Variants in NFYA observed in about 807,000 individuals in gnomAD.
The protein encoded by NFYA is CAAT-box DNA binding protein subunit A.
A neutral mutation model predicts 52.8 loss-of-function variants in NFYA; 28 were observed. That is an observed-to-expected ratio of 0.53 (90% CI 0.39 to 0.73). NFYA has a LOEUF of 0.73. NFYA is among the 30% of genes least tolerant of loss of function. NFYA has a pLI of 0.00. For missense variants in NFYA, 234 were observed against 427.0 expected (o/e 0.55, Z 3.98); for synonymous variants, 150 against 150.7 (o/e 1.00, Z 0.03).
chr6:41,078,814 A>G (rs1489666340), intron 1 of NFYA, among the ~76,000 whole-genome samples: 1 of 152,256 alleles, frequency 6.6e-6, no homozygotes, highest in Non-Finnish European at 1.5e-5. Flanking sequence ...GGTTGCCAGT[A>G]TACTGAAAGC....
At chr6:41,083,917 A>G in intron 3 of NFYA, 129 bp from the exon 4 acceptor site, 9 of 858,562 alleles carry the variant, frequency 1.0e-5, no homozygotes, top group Non-Finnish European at 1.5e-5. Context: ...CTTGAGACAT[A>G]TATTTTCTTA....
chr6:41,080,092 G>A (rs1402594661), intron 2 of NFYA, among the ~76,000 whole-genome samples: 1 of 152,166 alleles, frequency 6.6e-6, no homozygotes, highest in East Asian at 1.9e-4. Flanking sequence ...ATTAGTGGAT[G>A]TAAAAATAAG....
chr6:41,090,337 A>G, intron 6 of NFYA, 28 bp downstream of exon 6: 1 of 1,540,528 alleles, frequency 6.5e-7, no homozygotes, highest in Middle Eastern at 1.7e-4. Flanking sequence ...CTTCCCTAGG[A>G]CTTTTTGGGG....
chr6:41,088,840 T>C (rs1764118259), intron 4 of NFYA, among the ~76,000 whole-genome samples: 1 of 151,976 alleles, frequency 6.6e-6, no homozygotes, highest in African/African-American at 2.4e-5. Context: ...CTCAGCCTCC[T>C]GAAGTGCTGG....
Position 41,090,327 on chromosome 6 carries a change from C to T in NFYA, c.547+18C>T. On this transcript the variant is annotated intron_variant, in intron 6 of 9. Transcript: ENST00000341376. ...CCAGCAAGGTAAGTGTACCCATAAG[C>T]TTCCCTAGGACTTTTTGGGGCAACT... The T allele has an allele frequency of 1.9e-6, 3 of 1,582,334 alleles. No individual in the cohort carries two copies. Among genetic ancestry groups the T allele is most frequent in the Non-Finnish European group, 2.6e-6 (3 of 1,151,830 alleles).
Position 41,084,123 on chromosome 6 carries a change from G to A in NFYA, c.240G>A (p.Gln80=), listed in dbSNP as rs1763980132. 1 of 1,614,054 alleles carries A rather than the reference G, an allele frequency of 6.2e-7. No homozygotes were observed. Among genetic ancestry groups the A allele is most frequent in the South Asian group, 1.1e-5 (1 of 91,080 alleles). The stretch of plus-strand genomic sequence containing the variant: ...CAACTGGCCAACCCATCATGGTCCA[G>A]GCTGTCCCTGGTGGACAAGGTCAAA... The part of the protein sequence containing the change: ...ITSTGQPIMV[Q]AVPGGQGQTI... Residue 80 remains glutamine (Q), a synonymous_variant, in exon 4 of 10, where the codon CAG becomes CAA. Transcript: ENST00000341376.
At chr6:41,080,933 G>T in intron 3 of NFYA, 36 bp downstream of exon 3, 2 of 1,520,758 alleles carry the variant, frequency 1.3e-6, no homozygotes, top group South Asian at 2.2e-5. Context: ...AGCACTGCAT[G>T]AACTTCTCCT....
rs1764241681 is a variant in NFYA, at chr6:41,093,201, C to A, written c.888+116C>A. 3.5e-6 allele frequency: 3 copies of A among 852,828 alleles called. No individual in the cohort carries two copies. In the South Asian group the frequency reaches 6.4e-5, roughly 18 times the overall value. 52.8% of individuals were successfully genotyped at this position (852,828 alleles called of 1,614,324 possible). On this transcript the variant is annotated intron_variant, in intron 8 of 9. Coordinates refer to ENST00000341376, the MANE Select transcript of NFYA (RefSeq NM_002505.5). ...CCTTCCAAACAATTGACGTTAGATA[C>A]TTGTTGTCTCTTTTGTAAGAGTTAG...
At chr6:41,076,708 G>A (rs913351290) in intron 1 of NFYA, among the ~76,000 whole-genome samples, 2 of 152,168 alleles carry the variant, frequency 1.3e-5, no homozygotes, top group Non-Finnish European at 2.9e-5. Flanking sequence ...TCAAAACTTT[G>A]TGTTAAGAGC....
chr6:41,084,222 A>G, intron 4 of NFYA, 30 bp downstream of exon 4: 2 of 1,607,088 alleles, frequency 1.2e-6, no homozygotes, highest in Non-Finnish European at 1.7e-6. Context: ...ATTGAGCAGT[A>G]TATCAGAGGA....
Position 41,093,663 on chromosome 6 carries a change from G to C in NFYA, c.888+578G>C, listed in dbSNP as rs535478158. Among the ~76,000 whole-genome samples the C allele has an allele frequency of 7.9e-5, 12 of 152,222 alleles. No homozygotes were observed. The South Asian group carries it at 2.5e-3, about 32-fold the overall frequency. On this transcript the variant is annotated intron_variant, in intron 8 of 9. Coordinates refer to ENST00000341376, the MANE Select transcript of NFYA (RefSeq NM_002505.5). The stretch of plus-strand genomic sequence containing the variant: ...TTTTTGTGTTTTTAGTAGAGACGGG[G>C]TTTCACCATGTTGGCCAGGCTGGTC...
In NFYA at chr6:41,079,036, C is replaced by G; in HGVS notation, c.-54C>G. The G allele has an allele frequency of 6.5e-7, 1 of 1,547,964 alleles. No homozygotes were observed. Among genetic ancestry groups the G allele is most frequent in the Non-Finnish European group, 8.9e-7 (1 of 1,122,470 alleles). The stretch of plus-strand genomic sequence containing the variant: ...TCCCCACCTTTCTAACAGGAGTGTA[C>G]CTCACAGCCTTCTAGGATCTCCAGA... On this transcript the variant is annotated 5_prime_UTR_variant, in exon 2 of 10. Coordinates refer to ENST00000341376, the MANE Select transcript of NFYA (RefSeq NM_002505.5).
At chr6:41,075,368 C>G (rs1332772507) in intron 1 of NFYA, 1 of 152,142 alleles carries the variant, frequency 6.6e-6, no homozygotes, top group Non-Finnish European at 1.5e-5. Context: ...GATGTTTTAA[C>G]CTTAGTATTT....
At chr6:41,079,774 A>C (rs562117873) in intron 2 of NFYA, among the ~76,000 whole-genome samples, 2 of 152,346 alleles carry the variant, frequency 1.3e-5, no homozygotes, top group South Asian at 4.1e-4. Flanking sequence ...TCCCCACCCC[A>C]GAAGAAAAAA....
chr6:41,083,929 TCTTTTCTACCTTTTC>T (rs1429372504), intron 3 of NFYA, 102 bp from the exon 4 acceptor site: 5 of 1,006,600 alleles, frequency 5.0e-6, no homozygotes, highest in Non-Finnish European at 7.0e-6. Flanking sequence ...ATTTTCTTAG[TCTTTTCTACCTTTTC>T]CTTTTCTAGC....
intron 1 of NFYA, among the ~76,000 whole-genome samples, chr6:41,074,666 G>A (rs1266432631): frequency 6.6e-6 from 1 of 152,216 alleles, no homozygotes; most frequent in Non-Finnish European, 1.5e-5. Flanking sequence ...ATAGTTTAGG[G>A]GGGAAAGCCC....
intron 5 of NFYA, 75 bp downstream of exon 5, chr6:41,089,785 G>A: frequency 6.5e-7 from 1 of 1,535,850 alleles, no homozygotes; most frequent in Non-Finnish European, 8.8e-7. Flanking sequence ...GATATTTCAT[G>A]TATAGCATGT....
Position 41,087,880 on chromosome 6 carries a change from A to C in NFYA, c.310-1699A>C, listed in dbSNP as rs184080820. Among the ~76,000 whole-genome samples, 503 of 152,352 alleles carry C rather than the reference A, an allele frequency of 3.3e-3. 3 individuals carry two copies. Among genetic ancestry groups the C allele is most frequent in the African/African-American group, 0.012 (483 of 41,578 alleles). On this transcript the variant is annotated intron_variant, in intron 4 of 9. Transcript: ENST00000341376. The stretch of plus-strand genomic sequence containing the variant: ...TAATAAAGTGGCTATAGCCATTAAA[A>C]AAAAGAAAGAAGATAGATTTGGATA...
chr6:41,101,417 T>A lies in NFYA; in HGVS notation c.*4007T>A, dbSNP rs962738711. 6.6e-6 allele frequency among the ~76,000 whole-genome samples: 1 copy of A among 152,202 alleles called. No individual in the cohort carries two copies. The highest frequency in any genetic ancestry group is 1.5e-5 in the Non-Finnish European group (1 of 68,028). On this transcript the variant is annotated 3_prime_UTR_variant, in exon 10 of 10. Coordinates refer to ENST00000341376, the MANE Select transcript of NFYA (RefSeq NM_002505.5). ...TGAGCTCACCCCAAAGATGATGAAA[T>A]TGAAACTCAGAGGAAAGGATTTTTA...
Sources: allele counts gnomAD v4.1 joint callset (sites outside exome capture counted in the v4.1 genomes callset), GRCh38; gene constraint gnomAD v4.1.1; transcripts MANE v1.5; gene names NCBI Gene and HGNC (gene_info 2026-07-23, HGNC 2026-07-21).